GART: variants seen among roughly 807,000 people sequenced by gnomAD.
GART encodes phosphoribosylglycinamide formyltransferase, phosphoribosylglycinamide synthetase, phosphoribosylaminoimidazole synthetase.
Under a neutral mutation model 107.2 loss-of-function variants are expected in GART, and 43 were observed. The ratio of observed to expected loss-of-function variants is 0.40; its 90% confidence interval spans 0.31 to 0.52. The LOEUF (loss-of-function observed/expected upper bound fraction) is 0.52, where lower values mean the gene tolerates loss of function less well. Among genes scored for constraint, GART ranks in the 20% least tolerant of loss-of-function variants. The pLI, the probability that GART is intolerant of heterozygous loss-of-function variation, is 0.52. For synonymous variants in GART, 434 were observed against 427.0 expected (o/e 1.02, Z -0.20); for missense variants, 1,107 against 1,206.5 (o/e 0.92, Z 1.22).
Position 33,528,212 on chromosome 21 carries a change from T to A in GART, c.1021A>T (p.Ser341Cys), listed in dbSNP as rs777755921. The change falls in exon 10 of 22, where the codon AGT (serine) becomes TGT (cysteine). Residue 341 changes from serine (S) to cysteine (C), a missense_variant. Ser to Cys is a moderately radical substitution (Grantham distance 112). Coordinates refer to ENST00000381815, the MANE Select transcript of GART (RefSeq NM_000819.5). ...GTGTAGTCTCCAGGATAACCTTTACTTGCCATGACAACAGTTAGGGCGGTG... is the reference window on the plus strand; with the variant it reads ...GTGTAGTCTCCAGGATAACCTTTACATGCCATGACAACAGTTAGGGCGGTG... ...NHTALTVVMA[S>C]KGYPGDYTKG... The A allele has an allele frequency of 7.4e-6, 12 of 1,613,740 alleles. No homozygotes were observed. The African/African-American group carries it at 1.6e-4, about 22-fold the overall frequency.
chr21:33,517,324 C>T, intron 15 of GART, 33 bp downstream of exon 15: 2 of 1,611,152 alleles, frequency 1.2e-6, no homozygotes, highest in Non-Finnish European at 1.7e-6. Context: ...CAGGCATTTC[C>T]AAGCAGGACA....
chr21:33,532,492 C>G, intron 4 of GART, 36 bp from the exon 5 acceptor site: 1 of 1,443,912 alleles, frequency 6.9e-7, no homozygotes, highest in Admixed American at 1.7e-5. Flanking sequence ...ATCCAATAAA[C>G]CATTACAACT....
At chr21:33,507,608 G>C (rs1408762098) in intron 18 of GART, among the ~76,000 whole-genome samples, 1 of 152,124 alleles carries the variant, frequency 6.6e-6, no homozygotes, top group Non-Finnish European at 1.5e-5. Context: ...ATCATACTGA[G>C]GTCAAGAGTT....
intron 11 of GART, among the ~76,000 whole-genome samples, chr21:33,522,756 G>A (rs190705294): frequency 4.6e-5 from 7 of 152,140 alleles, no homozygotes; most frequent in Non-Finnish European, 7.4e-5. Flanking sequence ...AAAACTGAAC[G>A]TCTGTCCCAG....
At chr21:33,535,389 G>A (rs2085285083) in intron 2 of GART, 69 bp from the exon 3 acceptor site, 1 of 986,212 alleles carries the variant, frequency 1.0e-6, no homozygotes, top group Non-Finnish European at 1.4e-6. Context: ...TAAACTAAGT[G>A]TCTCACTAAA....
chr21:33,537,877 G>A (rs1178927232), intron 2 of GART, among the ~76,000 whole-genome samples: 1 of 152,162 alleles, frequency 6.6e-6, no homozygotes, highest in African/African-American at 2.4e-5. Context: ...GAATACTGAG[G>A]AGTTTCTGAA....
chr21:33,531,994 A>G (rs116650316), intron 5 of GART: 112 of 261,648 alleles, frequency 4.3e-4, no homozygotes, highest in African/African-American at 2.5e-3. Context: ...AGGCATATTC[A>G]TTCATTAATT....
Position 33,528,506 on chromosome 21 carries a change from T to G in GART, c.897+13A>C. The G allele has an allele frequency of 6.3e-7, 1 of 1,589,062 alleles. No individual in the cohort carries two copies. Among genetic ancestry groups the G allele is most frequent in the East Asian group, 2.2e-5 (1 of 44,758 alleles). ...TATCTTCTACCAAGTAATACTTTGA[T>G]ATTTTTACCCACTTGGCACTCTGGA... On this transcript the variant is annotated intron_variant, in intron 9 of 21. Coordinates refer to ENST00000381815, the MANE Select transcript of GART (RefSeq NM_000819.5).
At chr21:33,528,120 T>A in intron 10 of GART, 47 bp downstream of exon 10, 10 of 1,579,538 alleles carry the variant, frequency 6.3e-6, no homozygotes, top group Non-Finnish European at 7.8e-6. Flanking sequence ...GCTGTGGTGC[T>A]GGCACTTGTC....
intron 5 of GART, chr21:33,531,955 A>T: frequency 4.0e-6 from 1 of 247,196 alleles, no homozygotes; most frequent in Non-Finnish European, 7.8e-6. Context: ...CAGAAAACCC[A>T]CAACAACAAA....
At chr21:33,531,117 T>C in intron 6 of GART, 2 of 393,924 alleles carry the variant, frequency 5.1e-6, no homozygotes, top group Non-Finnish European at 8.7e-6. Flanking sequence ...AAAATCAAGC[T>C]ACTCTCAAAG....
chr21:33,518,514 C>T (rs2084916692), intron 14 of GART: 1 of 183,750 alleles, frequency 5.4e-6, no homozygotes, highest in South Asian at 1.0e-4. Context: ...TGTGTATAAG[C>T]AAAAACTGAA....
At chr21:33,524,320 C>A in intron 11 of GART, 1 of 938,506 alleles carries the variant, frequency 1.1e-6, no homozygotes, top group Non-Finnish European at 1.3e-6. Flanking sequence ...GAGGCCAAAG[C>A]AGGAGGATCA....
intron 10 of GART, among the ~76,000 whole-genome samples, chr21:33,527,322 C>T (rs975957821): frequency 1.3e-5 from 2 of 152,068 alleles, no homozygotes; most frequent in Non-Finnish European, 2.9e-5. Context: ...AGTTCGAGAC[C>T]AGCCGGGCCA....
Position 33,509,856 on chromosome 21 carries a change from C to T in GART, c.2379G>A (p.Lys793=), listed in dbSNP as rs79895797. ...ESMQINGSVL[K]NGSLTNHFSF... ...AGAAATGATTTGTCAGGGAGCCATT[C>T]TTCAACACTGACCCATTTATTTGCA... The change falls in exon 18 of 22, where the codon AAG becomes AAA. Residue 793 remains lysine, a synonymous_variant. Coordinates refer to ENST00000381815, the MANE Select transcript of GART (RefSeq NM_000819.5). 6 of 1,613,236 alleles carry T rather than the reference C, an allele frequency of 3.7e-6. No individual in the cohort carries two copies. The highest frequency in any genetic ancestry group is 5.1e-6 in the Non-Finnish European group (6 of 1,179,406).
At chr21:33,529,385 T>C (rs2085138249) in intron 7 of GART, among the ~76,000 whole-genome samples, 2 of 152,060 alleles carry the variant, frequency 1.3e-5, no homozygotes, top group African/African-American at 4.8e-5. Flanking sequence ...GGATTACAGG[T>C]GTGAACCACT....
rs2145757009 is a variant in GART at position 33,534,720 on chromosome 21, T to C, written c.275A>G (p.Gln92Arg). The C allele has an allele frequency of 6.2e-7, 1 of 1,606,848 alleles. No individual in the cohort carries two copies. Among genetic ancestry groups the C allele is most frequent in the Non-Finnish European group, 8.5e-7 (1 of 1,176,880 alleles). Reference protein sequence around the residue: ...IVGNLRSAGVQCFGPTAEAAQ... With the variant: ...IVGNLRSAGVRCFGPTAEAAQ... Reference sequence around the variant, plus strand: ...CGCTTCTGCTGTTGGGCCAAAGCATTGCACTCCTGCAGACCTCAGGTTCCC... The same window carrying C: ...CGCTTCTGCTGTTGGGCCAAAGCATCGCACTCCTGCAGACCTCAGGTTCCC... Residue 92 changes from glutamine (Q) to arginine (R), a missense_variant, in exon 4 of 22, where the codon CAA becomes CGA. Transcript: ENST00000381815.
chr21:33,533,101 T>C (rs555237624), intron 4 of GART, among the ~76,000 whole-genome samples: 1 of 152,208 alleles, frequency 6.6e-6, no homozygotes, highest in Non-Finnish European at 1.5e-5. Flanking sequence ...TGCTCAATGC[T>C]TTCCACATAA....
chr21:33,521,066 TA>T (rs1268408341), intron 12 of GART, 51 bp from the exon 13 acceptor site: 1 of 1,423,190 alleles, frequency 7.0e-7, no homozygotes, highest in Non-Finnish European at 9.9e-7. Flanking sequence ...ATTAAACATG[TA>T]ATTATTTAAA....
Sources: gnomAD v4.1 joint callset for allele counts (sites outside exome capture counted in the v4.1 genomes callset) on GRCh38, gnomAD v4.1.1 for gene constraint, MANE v1.5 for transcripts, NCBI Gene and HGNC (gene_info 2026-07-23, HGNC 2026-07-21) for gene names.